DSCAM: variants seen among roughly 807,000 people sequenced by gnomAD.
DSCAM encodes DS cell adhesion molecule.
Under a neutral mutation model 217.7 loss-of-function variants are expected in DSCAM, and 47 were observed. The ratio of observed to expected loss-of-function variants is 0.22; its 90% CI spans 0.17 to 0.28. The LOEUF is 0.28. Ranked by LOEUF, DSCAM falls within the 10% of genes least tolerant of loss-of-function variation. DSCAM has a pLI of 1.00. For missense variants in DSCAM, 2,080 were observed against 2,618.3 expected (o/e 0.79, Z 4.49); for synonymous variants, 1,056 against 1,015.3 (o/e 1.04, Z -0.76).
intron 3 of DSCAM, among the ~76,000 whole-genome samples, chr21:40,370,105 C>T (rs1345353992): frequency 6.6e-6 from 1 of 152,070 alleles, no homozygotes; most frequent in Admixed American, 6.5e-5. Flanking sequence ...GTTTTTTTCC[C>T]TTTGAAAATG....
At chr21:40,241,745 C>T (rs963630456) in intron 11 of DSCAM, among the ~76,000 whole-genome samples, 3 of 152,122 alleles carry the variant, frequency 2.0e-5, no homozygotes, top group African/African-American at 7.2e-5. Context: ...TGGAATCCAC[C>T]TAAATGCCCA....
intron 3 of DSCAM, among the ~76,000 whole-genome samples, chr21:40,608,893 A>G (rs1217406466): frequency 6.6e-6 from 1 of 152,272 alleles, no homozygotes; most frequent in Middle Eastern, 3.4e-3. Flanking sequence ...CACCCTGGGT[A>G]ATTTGCAAGT....
chr21:40,075,617 C>T lies in DSCAM; in HGVS notation c.4712-404G>A, dbSNP rs916562804. The stretch of plus-strand genomic sequence containing the variant: ...ATCAAAGAATGAACAAAAGGTTGGG[C>T]AAATGGACAGAAGCGCGTGTGCAGG... On this transcript the variant is annotated intron_variant, in intron 26 of 32. Transcript: ENST00000400454. Among the ~76,000 whole-genome samples, 6 of 152,252 alleles carry T rather than the reference C, an allele frequency of 3.9e-5. No homozygotes were observed. The East Asian group carries it at 7.7e-4, about 20-fold the overall frequency.
rs75263214 is a variant in DSCAM at position 40,335,477 on chromosome 21, C to T, written c.1783+2624G>A. Among the ~76,000 whole-genome samples the T allele has an allele frequency of 4.7e-3, 718 of 152,200 alleles. 6 individuals carry two copies. The highest frequency in any genetic ancestry group is 0.016 in the African/African-American group (683 of 41,538). On this transcript the variant is annotated intron_variant, in intron 8 of 32. Coordinates refer to ENST00000400454, the MANE Select transcript of DSCAM (RefSeq NM_001389.5). Reference sequence around the variant, plus strand: ...CACTTCAAAAGGATTAAGATGAATACATTCATTTATACTGATCTGGCAAAT... The same window carrying T: ...CACTTCAAAAGGATTAAGATGAATATATTCATTTATACTGATCTGGCAAAT...
At chr21:40,535,444 A>C (rs1292070411) in intron 3 of DSCAM, among the ~76,000 whole-genome samples, 1 of 152,214 alleles carries the variant, frequency 6.6e-6, no homozygotes, top group Non-Finnish European at 1.5e-5. Flanking sequence ...TAGTTTCCTT[A>C]ACTTTCATTC....
chr21:40,732,443 AAG>A (rs2091022496), intron 1 of DSCAM, among the ~76,000 whole-genome samples: 1 of 152,230 alleles, frequency 6.6e-6, no homozygotes, highest in African/African-American at 2.4e-5. Flanking sequence ...CATTCCAATT[AAG>A]AGTCATGAAA....
At chr21:40,537,312 A>C (rs2076506887) in intron 3 of DSCAM, among the ~76,000 whole-genome samples, 1 of 152,200 alleles carries the variant, frequency 6.6e-6, no homozygotes, top group South Asian at 2.1e-4. Context: ...GACAGACAGC[A>C]GGCTGATTTA....
chr21:40,596,430 C>T (rs914752973), intron 3 of DSCAM, among the ~76,000 whole-genome samples: 1 of 152,142 alleles, frequency 6.6e-6, no homozygotes, highest in Admixed American at 6.6e-5. Context: ...CCTCAATGGC[C>T]ATTTTTGTCA....
intron 11 of DSCAM, among the ~76,000 whole-genome samples, chr21:40,210,136 C>A (rs1362351013): frequency 6.6e-6 from 1 of 152,150 alleles, no homozygotes; most frequent in African/African-American, 2.4e-5. Context: ...TTTTCCTTTT[C>A]CAGGTATGAC....
chr21:40,304,308 C>T (rs561568063), intron 9 of DSCAM, among the ~76,000 whole-genome samples: 8 of 152,372 alleles, frequency 5.3e-5, no homozygotes, highest in Admixed American at 1.3e-4. Context: ...AGCTTCCTCA[C>T]GTCACTCAGC....
At chr21:40,728,227 A>C (rs1692417995) in intron 1 of DSCAM, among the ~76,000 whole-genome samples, 1 of 152,200 alleles carries the variant, frequency 6.6e-6, no homozygotes, top group South Asian at 2.1e-4. Context: ...GTCCCTAAAA[A>C]GTAAATATTT....
intron 19 of DSCAM, among the ~76,000 whole-genome samples, chr21:40,129,975 T>C (rs909991551): frequency 2.6e-5 from 4 of 152,186 alleles, no homozygotes; most frequent in African/African-American, 7.2e-5. Flanking sequence ...AGATTGCTAA[T>C]TGATGGTGGG....
intron 1 of DSCAM, among the ~76,000 whole-genome samples, chr21:40,829,690 G>A (rs1028711805): frequency 3.3e-5 from 5 of 152,104 alleles, no homozygotes; most frequent in South Asian, 2.1e-4. Flanking sequence ...AGTGTTGTCT[G>A]CTGAAATTTG....
intron 4 of DSCAM, among the ~76,000 whole-genome samples, chr21:40,364,241 A>C (rs886150830): frequency 4.6e-5 from 7 of 152,132 alleles, no homozygotes; most frequent in African/African-American, 7.2e-5. Flanking sequence ...ATGTTTATTG[A>C]GGCATTATTC....
At chr21:40,245,937 G>T (rs1349858604) in intron 11 of DSCAM, among the ~76,000 whole-genome samples, 1 of 152,098 alleles carries the variant, frequency 6.6e-6, no homozygotes, top group Non-Finnish European at 1.5e-5. Flanking sequence ...GGATAGGGAA[G>T]TCCCTTCTGT....
chr21:40,033,271 A>T (rs1245674849), intron 32 of DSCAM, among the ~76,000 whole-genome samples: 1 of 152,178 alleles, frequency 6.6e-6, no homozygotes, highest in Non-Finnish European at 1.5e-5. Flanking sequence ...TACCGGGTTC[A>T]TCTCACTAGG....
chr21:40,823,419 G>C (rs1261998078), intron 1 of DSCAM, among the ~76,000 whole-genome samples: 2 of 152,104 alleles, frequency 1.3e-5, no homozygotes, highest in Admixed American at 1.3e-4. Flanking sequence ...AATTCAACTT[G>C]TTTAAGGCTT....
At chr21:40,503,052 T>C (rs75820853) in intron 3 of DSCAM, among the ~76,000 whole-genome samples, 9,600 of 152,256 alleles carry the variant, frequency 0.063, 432 homozygotes, top group African/African-American at 0.12. Context: ...AGCATTCCTT[T>C]AAGGAAATAT....
chr21:40,358,183 C>CA (rs1163286367), intron 4 of DSCAM, among the ~76,000 whole-genome samples: 1 of 152,156 alleles, frequency 6.6e-6, no homozygotes, highest in African/African-American at 2.4e-5. Flanking sequence ...AATCAACTCT[C>CA]AATGACTGCA....
Sources: allele counts gnomAD v4.1 joint callset (sites outside exome capture counted in the v4.1 genomes callset), GRCh38; gene constraint gnomAD v4.1.1; transcripts MANE v1.5; gene names NCBI Gene and HGNC (gene_info 2026-07-23, HGNC 2026-07-21).